The following UTRN variants were observed in gnomAD, a reference collection of about 807,000 sequenced individuals.
The protein encoded by UTRN is utrophin.
In UTRN, 283 loss-of-function variants were observed where a neutral mutation model predicts 463.9. That is an observed-to-expected ratio of 0.61 (90% CI 0.55 to 0.67). The LOEUF is 0.67. UTRN is among the 30% of genes least tolerant of loss of function. The pLI, the probability that UTRN is intolerant of heterozygous loss-of-function variation, is 0.00. For synonymous variants in UTRN, 1,442 were observed against 1,431.5 expected (o/e 1.01, Z -0.17); for missense variants, 3,922 against 4,084.3 (o/e 0.96, Z 1.08).
intron 3 of UTRN, among the ~76,000 whole-genome samples, chr6:144,405,317 G>A (rs1783291270): frequency 6.6e-6 from 1 of 152,162 alleles, no homozygotes; most frequent in Admixed American, 6.5e-5. Flanking sequence ...TCTTCTGGCT[G>A]TCTTAAGACC....
chr6:144,852,108 G>A lies in UTRN; in HGVS notation c.*1111G>A, dbSNP rs974460347. 4 of 152,070 alleles carry A rather than the reference G, an allele frequency of 2.6e-5. No individual in the cohort carries two copies. Among genetic ancestry groups the A allele is most frequent in the East Asian group, 1.9e-4 (1 of 5,194 alleles). The allele number at this position is 152,070 out of a possible 1,614,324, so 9.4% of individuals were successfully genotyped here. ...GAAAGCAGACACACATTTAGTGCACGGCTTATTTTACCTTTCGGGTGAAAG... is the reference window on the plus strand; with the variant it reads ...GAAAGCAGACACACATTTAGTGCACAGCTTATTTTACCTTTCGGGTGAAAG... On this transcript the variant is annotated 3_prime_UTR_variant, in exon 75 of 75. Coordinates refer to ENST00000367545, the MANE Select transcript of UTRN (RefSeq NM_007124.3).
intron 39 of UTRN, among the ~76,000 whole-genome samples, chr6:144,520,247 A>G (rs539832339): frequency 1.3e-5 from 2 of 152,358 alleles, no homozygotes; most frequent in East Asian, 1.9e-4. Context: ...AATTGAGCCT[A>G]GTTTTCTGAT....
chr6:144,754,939 A>G (rs1791827754), intron 57 of UTRN, 141 bp downstream of exon 57: 1 of 722,750 alleles, frequency 1.4e-6, no homozygotes, highest in South Asian at 2.1e-5. Flanking sequence ...CATCAAAGAA[A>G]ATATTGCTTA....
At chr6:144,347,183 T>A (rs1777659204) in intron 2 of UTRN, among the ~76,000 whole-genome samples, 1 of 152,234 alleles carries the variant, frequency 6.6e-6, no homozygotes, top group South Asian at 2.1e-4. Context: ...ATGTCAGCTG[T>A]TTCCTTTTTA....
intron 19 of UTRN, among the ~76,000 whole-genome samples, chr6:144,456,326 G>T (rs1350763899): frequency 2.6e-5 from 4 of 152,160 alleles, no homozygotes; most frequent in Admixed American, 6.5e-5. Context: ...AAGTTTTGAG[G>T]TATCTCATAG....
At chr6:144,688,555 C>A (rs1304463528) in intron 52 of UTRN, among the ~76,000 whole-genome samples, 7 of 151,960 alleles carry the variant, frequency 4.6e-5, no homozygotes, top group African/African-American at 7.3e-5. Flanking sequence ...TTTTAAATTT[C>A]TTTTTCTCTC....
intron 65 of UTRN, among the ~76,000 whole-genome samples, chr6:144,805,311 G>A (rs1484982216): frequency 6.6e-6 from 1 of 152,102 alleles, no homozygotes; most frequent in Non-Finnish European, 1.5e-5. Context: ...GAATAAATGG[G>A]GTTGTTATAC....
chr6:144,377,670 T>A (rs1780583682), intron 2 of UTRN, among the ~76,000 whole-genome samples: 2 of 152,198 alleles, frequency 1.3e-5, no homozygotes, highest in Admixed American at 1.3e-4. Flanking sequence ...GCTCCCTGTG[T>A]GTGGCTCTGC....
intron 61 of UTRN, among the ~76,000 whole-genome samples, chr6:144,788,719 C>T (rs1398394125): frequency 6.6e-6 from 1 of 152,014 alleles, no homozygotes; most frequent in Non-Finnish European, 1.5e-5. Flanking sequence ...CATGCGCCAC[C>T]CGCCTGGCTA....
At chr6:144,384,987 C>T (rs1781283835) in intron 2 of UTRN, among the ~76,000 whole-genome samples, 1 of 152,134 alleles carries the variant, frequency 6.6e-6, no homozygotes, top group Non-Finnish European at 1.5e-5. Flanking sequence ...AGTTAGCTTA[C>T]TCTTATCTTG....
chr6:144,353,507 C>T (rs1170995021), intron 2 of UTRN, among the ~76,000 whole-genome samples: 2 of 151,828 alleles, frequency 1.3e-5, no homozygotes, highest in African/African-American at 4.8e-5. Context: ...ATCCTTCTGC[C>T]TTGGCCTCCC....
rs1435479849 is a variant in UTRN at position 144,568,689 on chromosome 6, GA to G, written c.7290-8407del. Among the ~76,000 whole-genome samples, 4 of 152,170 alleles carry G rather than the reference GA, an allele frequency of 2.6e-5. No individual in the cohort carries two copies. The East Asian group carries it at 7.7e-4, about 29-fold the overall frequency. ...AGCAATTCTTAATGAAGCTGAATTTGAAACTAGGGATGGAGGTGAGAGTGGA... is the reference window on the plus strand; with the variant it reads ...AGCAATTCTTAATGAAGCTGAATTTGAACTAGGGATGGAGGTGAGAGTGGA... On this transcript the variant is annotated intron_variant, in intron 50 of 74. Coordinates refer to ENST00000367545, the MANE Select transcript of UTRN (RefSeq NM_007124.3).
intron 15 of UTRN, 119 bp from the exon 16 acceptor site, chr6:144,447,483 G>C (rs1436023966): frequency 6.7e-6 from 9 of 1,337,158 alleles, no homozygotes; most frequent in Non-Finnish European, 9.3e-6. Context: ...TTTTAGCATA[G>C]TGAACTGCAA....
intron 3 of UTRN, among the ~76,000 whole-genome samples, chr6:144,414,842 C>T (rs185957441): frequency 7.2e-5 from 11 of 151,798 alleles, no homozygotes; most frequent in Admixed American, 2.0e-4. Flanking sequence ...CAGCCTCCTG[C>T]GTAGCTGGGA....
intron 48 of UTRN, among the ~76,000 whole-genome samples, chr6:144,553,825 A>C (rs1799141270): frequency 6.6e-6 from 1 of 150,870 alleles, no homozygotes; most frequent in African/African-American, 2.4e-5. Context: ...CAGGAGAATC[A>C]CTTGTACCTG....
rs751099224 is a variant in UTRN, at chr6:144,428,801, A to G, written c.602A>G (p.Lys201Arg). 1.2e-6 allele frequency: 2 copies of G among 1,610,106 alleles called. No homozygotes were observed. Among genetic ancestry groups the G allele is most frequent in the Non-Finnish European group, 1.7e-6 (2 of 1,178,670 alleles). The change falls in exon 8 of 75, where the codon AAA becomes AGA. Residue 201 changes from lysine to arginine, a missense_variant. By Grantham distance (26) the Lys-to-Arg change is conservative. Transcript: ENST00000367545. The part of the protein sequence containing the change: ...RHKPDLFSWD[K>R]VVKMSPIERL... ...AGACCTGATCTCTTCAGCTGGGATA[A>G]AGTTGTCAAAATGTCACCAATTGAG... is the stretch of plus-strand genomic sequence containing the variant.
intron 65 of UTRN, among the ~76,000 whole-genome samples, chr6:144,808,639 G>T (rs946229547): frequency 1.3e-5 from 2 of 151,934 alleles, no homozygotes; most frequent in Non-Finnish European, 2.9e-5. Flanking sequence ...ATAACTGAAA[G>T]TTTATACCCT....
At chr6:144,510,881 G>C (rs1209324663) in intron 34 of UTRN, 63 bp from the exon 35 acceptor site, 16 of 1,334,064 alleles carry the variant, frequency 1.2e-5, no homozygotes, top group African/African-American at 1.5e-5. Flanking sequence ...AATAATTTAA[G>C]GTTGTATATA....
chr6:144,552,609 T>C (rs1371637922), intron 48 of UTRN, among the ~76,000 whole-genome samples: 2 of 152,262 alleles, frequency 1.3e-5, no homozygotes, highest in Non-Finnish European at 2.9e-5. Context: ...ATTTTCTCTC[T>C]ATATATAAAT....
Sources: gnomAD v4.1 joint callset for allele counts (sites outside exome capture counted in the v4.1 genomes callset) on GRCh38, gnomAD v4.1.1 for gene constraint, MANE v1.5 for transcripts, NCBI Gene and HGNC (gene_info 2026-07-23, HGNC 2026-07-21) for gene names.